The following POU6F2 variants were observed in gnomAD, a reference collection of about 807,000 sequenced individuals.
POU6F2 encodes POU class 6 homeobox 2.
Under a neutral mutation model 71.3 loss-of-function variants are expected in POU6F2, and 31 were observed. The observed-to-expected ratio is 0.43, with a 90% CI of 0.33 to 0.59. The LOEUF (loss-of-function observed/expected upper bound fraction) is 0.59, where lower values mean the gene tolerates loss of function less well. POU6F2 is among the 20% of genes least tolerant of loss of function. POU6F2 has a pLI of 0.04. For synonymous variants in POU6F2, 347 were observed against 355.7 expected (o/e 0.98, Z 0.27); for missense variants, 783 against 856.8 (o/e 0.91, Z 1.07).
Position 39,186,740 on chromosome 7 carries a change from T to C in POU6F2, c.278-17495T>C, listed in dbSNP as rs138625229. On this transcript the variant is annotated intron_variant, in intron 2 of 9. Coordinates refer to ENST00000518318, the MANE Select transcript of POU6F2 (RefSeq NM_001370959.1). ...TCTGAGCCCTGAGTAGTGCCTGTCA[T>C]CTCCCCTCCCGCAGATTCTTTGCAA... Among the ~76,000 whole-genome samples, 17 of 152,294 alleles carry C rather than the reference T, an allele frequency of 1.1e-4. No homozygotes were observed. In the East Asian group the frequency reaches 3.3e-3, roughly 29 times the overall value.
At chr7:39,023,467 G>A (rs1789725424) in intron 1 of POU6F2, among the ~76,000 whole-genome samples, 1 of 151,970 alleles carries the variant, frequency 6.6e-6, no homozygotes, top group South Asian at 2.1e-4. Flanking sequence ...GCCACAACTT[G>A]GAGAGAGAAG....
At chr7:39,274,663 C>G (rs1487528592) in intron 4 of POU6F2, among the ~76,000 whole-genome samples, 1 of 113,740 alleles carries the variant, frequency 8.8e-6, no homozygotes, top group African/African-American at 3.3e-5. Flanking sequence ...AAAATACTGG[C>G]AAACCGAATC....
chr7:39,409,238 G>A (rs1787500059), intron 6 of POU6F2, among the ~76,000 whole-genome samples: 1 of 152,136 alleles, frequency 6.6e-6, no homozygotes, highest in African/African-American at 2.4e-5. Context: ...ATCAACTATT[G>A]TTTACATTTG....
At chr7:39,295,375 A>G (rs12669066) in intron 4 of POU6F2, among the ~76,000 whole-genome samples, 69,579 of 152,026 alleles carry the variant, frequency 0.46, 16,748 homozygotes, top group Admixed American at 0.59. Flanking sequence ...CAGTACTTTG[A>G]TAGGCCGAGG....
intron 2 of POU6F2, among the ~76,000 whole-genome samples, chr7:39,119,631 G>T (rs988550619): frequency 9.9e-5 from 15 of 152,142 alleles, no homozygotes; most frequent in African/African-American, 3.4e-4. Flanking sequence ...GCATGGAGGG[G>T]AACTAAAGAG....
intron 5 of POU6F2, among the ~76,000 whole-genome samples, chr7:39,349,259 G>T (rs891393501): frequency 6.6e-6 from 1 of 152,228 alleles, no homozygotes; most frequent in Non-Finnish European, 1.5e-5. Flanking sequence ...TGGCTGGGTT[G>T]CTTCTCGTGG....
chr7:39,130,389 C>T (rs943501933), intron 2 of POU6F2, among the ~76,000 whole-genome samples: 8 of 152,106 alleles, frequency 5.3e-5, no homozygotes, highest in South Asian at 4.1e-4. Flanking sequence ...CTGATTTAGA[C>T]GCACATGGGC....
chr7:39,428,886 G>T (rs1423875448), intron 6 of POU6F2, among the ~76,000 whole-genome samples: 5 of 146,662 alleles, frequency 3.4e-5, no homozygotes, highest in African/African-American at 1.0e-4. Flanking sequence ...AACACCGCAT[G>T]TTCTCGTCAT....
chr7:39,053,564 T>C (rs1026689453), intron 1 of POU6F2, among the ~76,000 whole-genome samples: 2 of 152,150 alleles, frequency 1.3e-5, no homozygotes, highest in African/African-American at 2.4e-5. Context: ...GTTCTTTTTT[T>C]CTGAACATAT....
chr7:39,134,983 T>C (rs946488388), intron 2 of POU6F2, among the ~76,000 whole-genome samples: 2 of 151,860 alleles, frequency 1.3e-5, no homozygotes, highest in Admixed American at 6.6e-5. Context: ...TAAAAAGTTA[T>C]GAAGAGAACA....
chr7:39,159,710 A>G (rs936451183), intron 2 of POU6F2, among the ~76,000 whole-genome samples: 6 of 152,134 alleles, frequency 3.9e-5, no homozygotes, highest in Non-Finnish European at 7.3e-5. Context: ...ATAGTAACAG[A>G]AGGGATGTAA....
At chr7:39,287,012 A>G (rs770940838) in intron 4 of POU6F2, among the ~76,000 whole-genome samples, 1 of 151,622 alleles carries the variant, frequency 6.6e-6, no homozygotes, top group Non-Finnish European at 1.5e-5. Flanking sequence ...AACTTAAAAG[A>G]TGTCAAGCGA....
rs751710078 is a variant in POU6F2, at chr7:39,339,688, CCAG to C, written c.674_676del (p.Gln225del). The C allele has an allele frequency of 5.5e-3, 7,752 of 1,416,950 alleles. No individual in the cohort carries two copies. The highest frequency in any genetic ancestry group is 0.016 in the South Asian group (1,162 of 73,358). The allele number at this position is 1,416,950 out of a possible 1,614,324, so 87.8% of individuals were successfully genotyped here. On this transcript the variant is annotated inframe_deletion, in exon 5 of 10. Transcript: ENST00000518318. Reference sequence around the variant, plus strand: ...AGCTCCAGCAGCTCCAGCTCCAGCTCCAGCAGCAGCAGCAGCAGCAGCAGCAGC... The same window carrying C: ...AGCTCCAGCAGCTCCAGCTCCAGCTCCAGCAGCAGCAGCAGCAGCAGCAGC...
chr7:39,366,924 G>A (rs374647067), intron 5 of POU6F2, among the ~76,000 whole-genome samples: 3 of 152,150 alleles, frequency 2.0e-5, no homozygotes, highest in South Asian at 2.1e-4. Context: ...GCTTACTTCC[G>A]GTGGCCTCCA....
At chr7:38,994,875 T>C (rs999562873) in intron 1 of POU6F2, among the ~76,000 whole-genome samples, 17 of 152,138 alleles carry the variant, frequency 1.1e-4, no homozygotes, top group African/African-American at 3.9e-4. Flanking sequence ...CACCCACTAA[T>C]GTGGTGAATT....
intron 2 of POU6F2, among the ~76,000 whole-genome samples, chr7:39,172,260 T>C (rs957053203): frequency 7.2e-5 from 11 of 152,168 alleles, no homozygotes; most frequent in Admixed American, 7.2e-4. Flanking sequence ...TTAGTCTTTT[T>C]AACATTTTAC....
chr7:39,197,675 G>A (rs555280787), intron 2 of POU6F2, among the ~76,000 whole-genome samples: 2 of 152,344 alleles, frequency 1.3e-5, no homozygotes, highest in South Asian at 4.1e-4. Flanking sequence ...GGAGAACTGT[G>A]TTGAAATGAG....
At chr7:39,218,751 G>T (rs1327551870) in intron 4 of POU6F2, among the ~76,000 whole-genome samples, 1 of 152,028 alleles carries the variant, frequency 6.6e-6, no homozygotes, top group East Asian at 1.9e-4. Flanking sequence ...GATAAGACTT[G>T]GTGATGGGTT....
At chr7:39,233,732 C>T (rs975356741) in intron 4 of POU6F2, among the ~76,000 whole-genome samples, 3 of 152,146 alleles carry the variant, frequency 2.0e-5, no homozygotes, top group African/African-American at 7.2e-5. Flanking sequence ...ATGCCACCCC[C>T]CAACACACAA....
Sources: gnomAD v4.1 joint callset for allele counts (sites outside exome capture counted in the v4.1 genomes callset) on GRCh38, gnomAD v4.1.1 for gene constraint, MANE v1.5 for transcripts, NCBI Gene and HGNC (gene_info 2026-07-23, HGNC 2026-07-21) for gene names.